Variants in MCTP1 observed in about 807,000 individuals in gnomAD.
MCTP1 encodes multiple C2 and transmembrane domain-containing protein 1.
MCTP1 carries 69 observed loss-of-function variants against 120.6 expected under a neutral mutation model. That is an observed-to-expected ratio of 0.57 (90% CI 0.47 to 0.70). MCTP1 has a LOEUF of 0.70. Among genes scored for constraint, MCTP1 ranks in the 30% least tolerant of loss-of-function variants. MCTP1 has a pLI of 0.00. For missense variants in MCTP1, 1,203 were observed against 1,248.8 expected, an observed-to-expected ratio of 0.96 and a Z score of 0.55; for synonymous variants, 529 against 493.1, an observed-to-expected ratio of 1.07 and a Z score of -0.96.
intron 1 of MCTP1, among the ~76,000 whole-genome samples, chr5:95,188,805 A>G (rs1749517121): frequency 6.6e-6 from 1 of 152,172 alleles, no homozygotes; most frequent in Non-Finnish European, 1.5e-5. Flanking sequence ...CTAGAACTAA[A>G]TATACACACA....
chr5:95,024,008 T>C, intron 1 of MCTP1: 2 of 412,808 alleles, frequency 4.8e-6, no homozygotes, highest in South Asian at 3.6e-5. Flanking sequence ...TAGTTCCTTG[T>C]TGGATGTATG....
intron 12 of MCTP1, among the ~76,000 whole-genome samples, chr5:94,878,414 G>T (rs1007133384): frequency 2.0e-5 from 3 of 151,894 alleles, no homozygotes; most frequent in African/African-American, 4.8e-5. Context: ...ATAATAATAA[G>T]ACTTCTTTTT....
chr5:95,100,498 A>T (rs370269427), intron 1 of MCTP1, among the ~76,000 whole-genome samples: 1 of 152,232 alleles, frequency 6.6e-6, no homozygotes, highest in African/African-American at 2.4e-5. Flanking sequence ...AAATAAGTTA[A>T]CTGTTAAGGA....
At chr5:95,192,115 T>C (rs1199777291) in intron 1 of MCTP1, among the ~76,000 whole-genome samples, 7 of 152,024 alleles carry the variant, frequency 4.6e-5, no homozygotes, top group Non-Finnish European at 1.0e-4. Context: ...TAAAATTGCA[T>C]GCACAGAAAG....
chr5:94,766,630 C>A (rs1388419603), intron 19 of MCTP1, among the ~76,000 whole-genome samples: 1 of 151,584 alleles, frequency 6.6e-6, no homozygotes, highest in Non-Finnish European at 1.5e-5. Flanking sequence ...ATGTAACAAA[C>A]CTGCACGTTG....
chr5:94,916,246 C>T (rs1185586215), intron 8 of MCTP1, among the ~76,000 whole-genome samples: 1 of 152,168 alleles, frequency 6.6e-6, no homozygotes, highest in Non-Finnish European at 1.5e-5. Flanking sequence ...TAAACATAGG[C>T]TACCAACAGC....
At chr5:94,892,320 G>A (rs1000906883) in intron 11 of MCTP1, among the ~76,000 whole-genome samples, 1 of 152,166 alleles carries the variant, frequency 6.6e-6, no homozygotes, top group African/African-American at 2.4e-5. Context: ...TAAATCAGAT[G>A]ACTGTGAAAT....
At chr5:94,864,617 C>G (rs985437726) in intron 17 of MCTP1, among the ~76,000 whole-genome samples, 1 of 151,864 alleles carries the variant, frequency 6.6e-6, no homozygotes, top group African/African-American at 2.4e-5. Flanking sequence ...TGTAAAATAT[C>G]AAATGTTAAT....
intron 1 of MCTP1, among the ~76,000 whole-genome samples, chr5:95,130,191 T>C (rs1351925851): frequency 6.6e-6 from 1 of 152,186 alleles, no homozygotes. Flanking sequence ...GAGGAACCAA[T>C]TCCCATAATA....
chr5:94,756,643 G>C (rs568784330), intron 19 of MCTP1, among the ~76,000 whole-genome samples: 1 of 152,188 alleles, frequency 6.6e-6, no homozygotes, highest in East Asian at 1.9e-4. Context: ...AATATCAGAG[G>C]GGAGATGACA....
chr5:95,123,158 GTGA>G (rs1450680642), intron 1 of MCTP1, among the ~76,000 whole-genome samples: 2 of 152,122 alleles, frequency 1.3e-5, no homozygotes, highest in Admixed American at 1.3e-4. Flanking sequence ...AATGCTTGAG[GTGA>G]TGAATACCCC....
chr5:94,983,685 A>G (rs1829934749), intron 2 of MCTP1, among the ~76,000 whole-genome samples: 1 of 152,206 alleles, frequency 6.6e-6, no homozygotes, highest in South Asian at 2.1e-4. Context: ...CTATCTATCT[A>G]TCTATCTATC....
chr5:94,760,630 T>C (rs1771101290), intron 19 of MCTP1, among the ~76,000 whole-genome samples: 1 of 152,110 alleles, frequency 6.6e-6, no homozygotes, highest in Non-Finnish European at 1.5e-5. Flanking sequence ...AGAGAAACAT[T>C]AGCTCCAGGC....
At chr5:95,076,378 C>T (rs1306493217) in intron 1 of MCTP1, among the ~76,000 whole-genome samples, 1 of 150,282 alleles carries the variant, frequency 6.7e-6, no homozygotes, top group Admixed American at 6.6e-5. Flanking sequence ...GAAAATTTTC[C>T]AGGTGGATTA....
At chr5:94,759,865 C>G (rs1446292690) in intron 19 of MCTP1, among the ~76,000 whole-genome samples, 1 of 67,790 alleles carries the variant, frequency 1.5e-5, no homozygotes, top group African/African-American at 6.0e-5. Context: ...TTTTTTTGTT[C>G]TTTCTTTGCA....
At chr5:95,005,773 T>C (rs115660635) in intron 2 of MCTP1, among the ~76,000 whole-genome samples, 103,548 of 136,512 alleles carry the variant, frequency 0.76, 36,550 homozygotes, top group Middle Eastern at 0.84. Context: ...TTTCTTTATT[T>C]TTTTTTTTTT....
chr5:94,868,206 G>A (rs1377295952), intron 17 of MCTP1, 127 bp downstream of exon 17: 3 of 887,266 alleles, frequency 3.4e-6, no homozygotes. Flanking sequence ...AATCTGTCCA[G>A]TCAAGTCTTA....
At chr5:95,047,865 T>C in intron 1 of MCTP1, among the ~76,000 whole-genome samples, 1 of 152,108 alleles carries the variant, frequency 6.6e-6, no homozygotes, top group African/African-American at 2.4e-5. Flanking sequence ...GGCTAGGGAA[T>C]AGATATTCAA....
intron 17 of MCTP1, among the ~76,000 whole-genome samples, chr5:94,846,349 A>C (rs1465604897): frequency 1.3e-5 from 2 of 152,152 alleles, no homozygotes; most frequent in African/African-American, 4.8e-5. Context: ...GGTCCTCTGA[A>C]GCAACATGGA....
Sources: gnomAD v4.1 joint callset for allele counts (sites outside exome capture counted in the v4.1 genomes callset) on GRCh38, gnomAD v4.1.1 for gene constraint, MANE v1.5 for transcripts, NCBI Gene and HGNC (gene_info 2026-07-23, HGNC 2026-07-21) for gene names.